AKAP19: variants seen among roughly 807,000 people sequenced by gnomAD.
The protein encoded by AKAP19 is small A-kinase anchoring protein.
chr2:190,090,917 C>A, the AKAP19 span: 1 of 152,200 alleles, frequency 6.6e-6, no homozygotes, highest in Non-Finnish European at 1.5e-5. Context: ...GGCATGGACT[C>A]TAGCTTATTA....
chr2:190,060,841 C>A, the AKAP19 span, among the ~76,000 whole-genome samples: 1 of 151,992 alleles, frequency 6.6e-6, no homozygotes, highest in South Asian at 2.1e-4. Flanking sequence ...ACCAATCAGT[C>A]TGGAAGAAGG....
chr2:190,116,032 C>T, the AKAP19 span, among the ~76,000 whole-genome samples: 2 of 152,200 alleles, frequency 1.3e-5, no homozygotes, highest in Admixed American at 6.5e-5. Context: ...CTACGCAAAC[C>T]TGCAAGCCCT....
the AKAP19 span, among the ~76,000 whole-genome samples, chr2:190,115,288 T>C: frequency 1.2e-4 from 1 of 8,634 alleles, no homozygotes; most frequent in Admixed American, 1.5e-3. Flanking sequence ...TATATATATA[T>C]ATATATATAT....
At chr2:189,959,982 G>A in the AKAP19 span, among the ~76,000 whole-genome samples, 1 of 151,836 alleles carries the variant, frequency 6.6e-6, no homozygotes, top group African/African-American at 2.4e-5. Flanking sequence ...TCTTTGTATA[G>A]GGAAACACCA....
At chr2:189,886,719 T>G in the AKAP19 span, among the ~76,000 whole-genome samples, 1 of 152,154 alleles carries the variant, frequency 6.6e-6, no homozygotes, top group African/African-American at 2.4e-5. Flanking sequence ...GTTTCTTAAT[T>G]AGAAGTTAAG....
chr2:189,974,890 A>T, the AKAP19 span, among the ~76,000 whole-genome samples: 1 of 152,122 alleles, frequency 6.6e-6, no homozygotes, highest in Non-Finnish European at 1.5e-5. Flanking sequence ...ACGTGAGATG[A>T]GTCTCCTGAA....
At chr2:189,973,168 A>G in the AKAP19 span, among the ~76,000 whole-genome samples, 4 of 152,088 alleles carry the variant, frequency 2.6e-5, no homozygotes, top group Non-Finnish European at 5.9e-5. Context: ...TCAATACCTA[A>G]TTTATTGAGA....
At chr2:190,062,983 A>G in the AKAP19 span, among the ~76,000 whole-genome samples, 3 of 152,138 alleles carry the variant, frequency 2.0e-5, no homozygotes, top group Non-Finnish European at 4.4e-5. Flanking sequence ...TATGTTGGCA[A>G]TAATATAAAC....
chr2:190,150,006 G>A, the AKAP19 span, among the ~76,000 whole-genome samples: 11 of 152,068 alleles, frequency 7.2e-5, no homozygotes, highest in South Asian at 2.1e-4. Context: ...GGGGAAAGCC[G>A]GCAGTCACAG....
chr2:190,170,687 A>G, the AKAP19 span, among the ~76,000 whole-genome samples: 1 of 152,138 alleles, frequency 6.6e-6, no homozygotes, highest in Non-Finnish European at 1.5e-5. Flanking sequence ...AGAAATTCCT[A>G]TGAAGCTTTT....
the AKAP19 span, among the ~76,000 whole-genome samples, chr2:190,003,760 G>A: frequency 8.6e-5 from 13 of 152,004 alleles, no homozygotes; most frequent in East Asian, 1.6e-3. Context: ...GCTACTGCTC[G>A]GGAGGCTAAG....
the AKAP19 span, among the ~76,000 whole-genome samples, chr2:189,935,332 C>G: frequency 1.3e-5 from 2 of 151,798 alleles, no homozygotes; most frequent in Non-Finnish European, 2.9e-5. Context: ...TCAAGAAATT[C>G]TGGAAAAGAT....
At chr2:190,097,782 G>T in the AKAP19 span, among the ~76,000 whole-genome samples, 1 of 149,430 alleles carries the variant, frequency 6.7e-6, no homozygotes, top group African/African-American at 2.5e-5. Flanking sequence ...CAGCACTTTG[G>T]GAGGCCAAGG....
the AKAP19 span, among the ~76,000 whole-genome samples, chr2:189,949,632 T>C: frequency 2.3e-5 from 2 of 88,726 alleles, no homozygotes; most frequent in Non-Finnish European, 4.5e-5. Context: ...TTTTTCTTTC[T>C]TTTTTTTTTT....
the AKAP19 span, among the ~76,000 whole-genome samples, chr2:189,901,587 C>T: frequency 6.6e-6 from 1 of 152,176 alleles, no homozygotes; most frequent in Non-Finnish European, 1.5e-5. Context: ...ATCTGCCCAT[C>T]TCTGCCTCCC....
chr2:190,149,798 T>C, the AKAP19 span, among the ~76,000 whole-genome samples: 1 of 152,194 alleles, frequency 6.6e-6, no homozygotes, highest in East Asian at 1.9e-4. Context: ...TCTGCAGTTG[T>C]TGGATGAAGT....
At chr2:190,017,478 T>C in the AKAP19 span, among the ~76,000 whole-genome samples, 2 of 152,168 alleles carry the variant, frequency 1.3e-5, no homozygotes, top group African/African-American at 4.8e-5. Flanking sequence ...ATAGACATTG[T>C]ATACATATAA....
At chr2:190,088,803 C>A in the AKAP19 span, among the ~76,000 whole-genome samples, 1 of 152,030 alleles carries the variant, frequency 6.6e-6, no homozygotes, top group African/African-American at 2.4e-5. Context: ...GGAAACAGGC[C>A]CAAGAATTGA....
At chr2:190,118,304 A>G in the AKAP19 span, among the ~76,000 whole-genome samples, 1 of 152,228 alleles carries the variant, frequency 6.6e-6, no homozygotes, top group Admixed American at 6.5e-5. Flanking sequence ...AGGAGCTGGT[A>G]CCATTCCTTC....
Sources: gnomAD v4.1 joint callset for allele counts (sites outside exome capture counted in the v4.1 genomes callset) on GRCh38, gnomAD v4.1.1 for gene constraint, MANE v1.5 for transcripts, NCBI Gene and HGNC (gene_info 2026-07-23, HGNC 2026-07-21) for gene names.